SYNGR1: variants seen among roughly 807,000 people sequenced by gnomAD.
SYNGR1 encodes synaptogyrin-1.
A neutral mutation model predicts 26.1 loss-of-function variants in SYNGR1; 14 were observed. The ratio of observed to expected loss-of-function variants is 0.54; its 90% CI spans 0.35 to 0.84. SYNGR1 has a LOEUF of 0.84. Among genes scored for constraint, SYNGR1 ranks in the 40% least tolerant of loss-of-function variants. The pLI, the probability that SYNGR1 is intolerant of heterozygous loss-of-function variation, is 0.01. For synonymous variants in SYNGR1, 141 were observed against 150.1 expected (o/e 0.94, Z 0.44); for missense variants, 319 against 332.9 (o/e 0.96, Z 0.33).
intron 2 of SYNGR1, chr22:39,375,082 C>A (rs1308675846): frequency 5.9e-6 from 1 of 170,666 alleles, no homozygotes; most frequent in Non-Finnish European, 1.3e-5. Context: ...GACCTCTGCT[C>A]CGTGACTTCC....
rs1044868101 is a variant in SYNGR1 at position 39,374,325 on chromosome 22, A to G, written c.109A>G (p.Ile37Val). 1.2e-6 allele frequency: 2 copies of G among 1,613,870 alleles called. No individual in the cohort carries two copies. The highest frequency in any genetic ancestry group is 1.1e-5 in the South Asian group (1 of 91,076). The change falls in exon 2 of 4, where the codon ATA becomes GTA. Residue 37 changes from isoleucine (I) to valine (V), a missense_variant. By Grantham distance (29) the Ile-to-Val change is conservative. Transcript: ENST00000328933. ...ILRVVSWLFS[I>V]VVFGSIVNEG... ...GCCCCACCCCCGACAGCTGTTCTCCATAGTGGTGTTCGGCTCCATCGTGAA... is the reference window on the plus strand; with the variant it reads ...GCCCCACCCCCGACAGCTGTTCTCCGTAGTGGTGTTCGGCTCCATCGTGAA...
chr22:39,364,121 C>G, intron 1 of SYNGR1: 1 of 1,608,578 alleles, frequency 6.2e-7, no homozygotes, highest in Non-Finnish European at 8.5e-7. Flanking sequence ...CATCTCCCCT[C>G]AAGTAAAGTG....
At chr22:39,379,402 G>A (rs1925421936) in intron 3 of SYNGR1, among the ~76,000 whole-genome samples, 1 of 152,216 alleles carries the variant, frequency 6.6e-6, no homozygotes, top group Admixed American at 6.5e-5. Context: ...GGGAGGCCAA[G>A]GCAGGCGGAT....
Position 39,374,889 on chromosome 22 carries a change from G to A in SYNGR1, c.337+336G>A, listed in dbSNP as rs966745906. The A allele has an allele frequency of 3.2e-5, 13 of 405,698 alleles. No individual in the cohort carries two copies. In the Admixed American group the frequency reaches 3.7e-4, roughly 12 times the overall value. The allele number at this position is 405,698 out of a possible 1,614,324, so 25.1% of individuals were successfully genotyped here. ...TGGCCTCTTCTGTGCCACCTCCCTG[G>A]GGCAGCCTCATGAGGACTAAGCAAG... On this transcript the variant is annotated intron_variant, in intron 2 of 3. Coordinates refer to ENST00000328933, the MANE Select transcript of SYNGR1 (RefSeq NM_004711.5).
At chr22:39,364,149 A>C (rs766626685) in intron 1 of SYNGR1, 12 of 1,611,100 alleles carry the variant, frequency 7.4e-6, no homozygotes, top group Middle Eastern at 2.2e-4. Context: ...GCCCTTTTGC[A>C]CTGCGGGACA....
At position 39,381,833 on chromosome 22, in the gene SYNGR1, C is replaced by A. The variant is rs199808054; in HGVS notation, c.621C>A (p.Pro207=). Residue 207 remains proline (P), a synonymous_variant, in exon 4 of 4, where the codon CCC becomes CCA. Transcript: ENST00000328933. Reference sequence around the variant, plus strand: ...ACGTGGAGCCCACTGGGCCGGATCCCGCCGGTATGGGCGGCACCTACCAGC... The same window carrying A: ...ACGTGGAGCCCACTGGGCCGGATCCAGCCGGTATGGGCGGCACCTACCAGC... ...APYVEPTGPD[P]AGMGGTYQQP... 7.8e-5 allele frequency: 126 copies of A among 1,612,928 alleles called. No individual in the cohort carries two copies. The highest frequency in any genetic ancestry group is 6.3e-4 in the Admixed American group (38 of 59,998).
intron 3 of SYNGR1, chr22:39,377,230 C>A (rs1475931912): frequency 1.4e-5 from 14 of 985,256 alleles, no homozygotes; most frequent in Admixed American, 6.2e-5. Flanking sequence ...CCTGGATATC[C>A]ATTTTTGAGG....
At chr22:39,360,117 C>T (rs1199475900) in intron 1 of SYNGR1, among the ~76,000 whole-genome samples, 1 of 152,208 alleles carries the variant, frequency 6.6e-6, no homozygotes, top group Non-Finnish European at 1.5e-5. Flanking sequence ...CACACCTGCC[C>T]CCCTCATCCT....
At chr22:39,373,059 GC>G (rs1468308597) in intron 1 of SYNGR1, among the ~76,000 whole-genome samples, 5 of 151,958 alleles carry the variant, frequency 3.3e-5, no homozygotes, top group Non-Finnish European at 5.9e-5. Context: ...CAGTGAGATA[GC>G]ATGTGTAATA....
chr22:39,381,565 G>C, intron 3 of SYNGR1, 131 bp from the exon 4 acceptor site: 1 of 909,974 alleles, frequency 1.1e-6, no homozygotes, highest in Non-Finnish European at 1.7e-6. Flanking sequence ...CATGTTTGGT[G>C]CTTTGAGGAT....
At chr22:39,360,630 A>G (rs1924427242) in intron 1 of SYNGR1, among the ~76,000 whole-genome samples, 1 of 152,150 alleles carries the variant, frequency 6.6e-6, no homozygotes, top group Non-Finnish European at 1.5e-5. Context: ...TCTCTTTAAT[A>G]TACATGCTGA....
At chr22:39,356,838 T>G (rs1924166780) in intron 1 of SYNGR1, among the ~76,000 whole-genome samples, 1 of 152,188 alleles carries the variant, frequency 6.6e-6, no homozygotes, top group South Asian at 2.1e-4. Flanking sequence ...GGTTTCCCCA[T>G]CTATCAAATG....
chr22:39,364,398 A>T, intron 1 of SYNGR1: 1 of 1,582,440 alleles, frequency 6.3e-7, no homozygotes. Flanking sequence ...CTTTGTGGGG[A>T]TGATTTGCAG....
chr22:39,363,508 G>A (rs1924585985), intron 1 of SYNGR1, among the ~76,000 whole-genome samples: 1 of 152,054 alleles, frequency 6.6e-6, no homozygotes, highest in Admixed American at 6.5e-5. Context: ...ACCCAGGACT[G>A]GGGCCCAGCA....
rs774702049 is a variant in SYNGR1, at chr22:39,364,312, G to A, written c.100-10004G>A. Reference sequence around the variant, plus strand: ...CGGATGTGAGGCAGGTTCCCCATCTGCTGTGGGTCAGCGAGAGGCAGGGCC... The same window carrying A: ...CGGATGTGAGGCAGGTTCCCCATCTACTGTGGGTCAGCGAGAGGCAGGGCC... On this transcript the variant is annotated intron_variant, in intron 1 of 3. Coordinates refer to ENST00000328933, the MANE Select transcript of SYNGR1 (RefSeq NM_004711.5). The A allele has an allele frequency of 2.5e-6, 4 of 1,610,412 alleles. No individual in the cohort carries two copies. The East Asian group carries it at 6.7e-5, about 27-fold the overall frequency.
At chr22:39,368,051 A>G (rs969361180) in intron 1 of SYNGR1, among the ~76,000 whole-genome samples, 5 of 152,064 alleles carry the variant, frequency 3.3e-5, no homozygotes, top group Admixed American at 6.5e-5. Context: ...CTCCAATCGG[A>G]GGCCCTGCTT....
At chr22:39,351,191 T>C (rs1464227888) in intron 1 of SYNGR1, among the ~76,000 whole-genome samples, 1 of 152,148 alleles carries the variant, frequency 6.6e-6, no homozygotes, top group East Asian at 1.9e-4. Context: ...GGCCCGTTCC[T>C]TGTGGGCTTA....
chr22:39,380,875 C>T (rs1454795524), intron 3 of SYNGR1, among the ~76,000 whole-genome samples: 1 of 152,042 alleles, frequency 6.6e-6, no homozygotes, highest in Non-Finnish European at 1.5e-5. Flanking sequence ...CCCATCTTGG[C>T]CTCTCAAAGT....
At position 39,382,194 on chromosome 22, in the gene SYNGR1, C is replaced by T. The variant is rs1018896069; in HGVS notation, c.*280C>T. The T allele has an allele frequency of 2.0e-4, 111 of 552,312 alleles. No individual in the cohort carries two copies. Among genetic ancestry groups the T allele is most frequent in the Middle Eastern group, 4.8e-4 (1 of 2,064 alleles). The allele number at this position is 552,312 out of a possible 1,614,324, so 34.2% of individuals were successfully genotyped here. On this transcript the variant is annotated 3_prime_UTR_variant, in exon 4 of 4. Transcript: ENST00000328933. ...GTGTCATCAAGCATTCCTTGAGCGC[C>T]TACTGGGCATCCGGCCTGTGCTGGG...
Sources: gnomAD v4.1 joint callset for allele counts (sites outside exome capture counted in the v4.1 genomes callset) on GRCh38, gnomAD v4.1.1 for gene constraint, MANE v1.5 for transcripts, NCBI Gene and HGNC (gene_info 2026-07-23, HGNC 2026-07-21) for gene names.